The following BRINP3 variants were observed in gnomAD, a reference collection of about 807,000 sequenced individuals.
BRINP3 encodes BMP/retinoic acid inducible neural specific 3.
A neutral mutation model predicts 71.0 loss-of-function variants in BRINP3; 19 were observed. The ratio of observed to expected loss-of-function variants is 0.27; its 90% CI spans 0.19 to 0.39. The LOEUF (loss-of-function observed/expected upper bound fraction) is 0.39, where lower values mean the gene tolerates loss of function less well. BRINP3 is among the 10% of genes least tolerant of loss of function. The pLI is 1.00. For synonymous variants in BRINP3, 380 were observed against 337.7 expected, an observed-to-expected ratio of 1.13 and a Z score of -1.37; for missense variants, 959 against 940.8, an observed-to-expected ratio of 1.02 and a Z score of -0.25.
chr1:190,411,162 C>T (rs116179087), intron 2 of BRINP3, among the ~76,000 whole-genome samples: 1,827 of 152,014 alleles, frequency 0.012, 42 homozygotes, highest in African/African-American at 0.041. Context: ...ATTAATGAAC[C>T]CTTTCTATAT....
At chr1:190,272,559 T>C (rs886234948) in intron 3 of BRINP3, among the ~76,000 whole-genome samples, 2 of 151,542 alleles carry the variant, frequency 1.3e-5, no homozygotes, top group African/African-American at 4.8e-5. Flanking sequence ...TCTTTTCCTT[T>C]TTATTAAGAC....
At chr1:190,322,816 T>C (rs190450868) in intron 2 of BRINP3, among the ~76,000 whole-genome samples, 1 of 152,260 alleles carries the variant, frequency 6.6e-6, no homozygotes, top group Non-Finnish European at 1.5e-5. Flanking sequence ...CTGTATGATT[T>C]TTAACCAAAT....
At chr1:190,344,787 A>AT (rs1205863811) in intron 2 of BRINP3, among the ~76,000 whole-genome samples, 1 of 151,880 alleles carries the variant, frequency 6.6e-6, no homozygotes, top group African/African-American at 2.4e-5. Context: ...ACAGTATTAA[A>AT]TTATTGCTAG....
intron 2 of BRINP3, among the ~76,000 whole-genome samples, chr1:190,399,032 C>T (rs767264720): frequency 2.0e-5 from 3 of 151,902 alleles, no homozygotes; most frequent in Non-Finnish European, 4.4e-5. Flanking sequence ...GTGTTTGCTC[C>T]AGAGATTATG....
chr1:190,176,407 T>C (rs1038898979), intron 6 of BRINP3, among the ~76,000 whole-genome samples: 42 of 152,098 alleles, frequency 2.8e-4, no homozygotes, highest in African/African-American at 1.0e-3. Context: ...AGGAATAGAA[T>C]AACCACAACA....
intron 3 of BRINP3, among the ~76,000 whole-genome samples, chr1:190,274,403 C>T (rs1174309043): frequency 6.6e-5 from 10 of 151,548 alleles, no homozygotes; most frequent in African/African-American, 1.7e-4. Context: ...GATGTCTTCC[C>T]GGTCATTCAA....
chr1:190,098,474 C>T lies in BRINP3; in HGVS notation c.1845G>A (p.Gly615=), dbSNP rs756645736. 3.7e-6 allele frequency: 6 copies of T among 1,614,090 alleles called. No individual in the cohort carries two copies. In the African/African-American group the frequency reaches 4.0e-5, roughly 11 times the overall value. The change falls in exon 8 of 8, where the codon GGG becomes GGA. Residue 615 remains glycine, a synonymous_variant. Coordinates refer to ENST00000367462, the MANE Select transcript of BRINP3 (RefSeq NM_199051.3). ...TCTCAAAAAATGTCTTCCATTTGTT[C>T]CCCAGAGTTAATGTCCAGTTATAAC... ...LQCYNWTLTL[G]NKWKTFFETV... is the part of the protein sequence containing the mutation.
intron 2 of BRINP3, among the ~76,000 whole-genome samples, chr1:190,449,797 T>A (rs2102604483): frequency 6.6e-6 from 1 of 152,158 alleles, no homozygotes; most frequent in African/African-American, 2.4e-5. Context: ...TCTCTGACAA[T>A]CTGAACAAGA....
rs958018924 is a variant in BRINP3, at chr1:190,282,251, T to C, written c.237-501A>G. Among the ~76,000 whole-genome samples the C allele has an allele frequency of 2.0e-4, 31 of 151,682 alleles. No homozygotes were observed. In the South Asian group the frequency reaches 3.3e-3, roughly 16 times the overall value. On this transcript the variant is annotated intron_variant, in intron 2 of 7. Coordinates refer to ENST00000367462, the MANE Select transcript of BRINP3 (RefSeq NM_199051.3). Reference sequence around the variant, plus strand: ...CAAAAAAGAAATCAGTTTTCTTCTTTTTTTTTTTAATAATCATGGTTTACA... The same window carrying C: ...CAAAAAAGAAATCAGTTTTCTTCTTCTTTTTTTTAATAATCATGGTTTACA...
At chr1:190,423,631 G>C (rs1015234651) in intron 2 of BRINP3, among the ~76,000 whole-genome samples, 1 of 151,524 alleles carries the variant, frequency 6.6e-6, no homozygotes, top group Non-Finnish European at 1.5e-5. Flanking sequence ...GCATAATCAA[G>C]ACATTATAAA....
chr1:190,344,125 T>C (rs1667853071), intron 2 of BRINP3, among the ~76,000 whole-genome samples: 1 of 151,774 alleles, frequency 6.6e-6, no homozygotes, highest in Non-Finnish European at 1.5e-5. Flanking sequence ...TCAATTTCAG[T>C]AGAAAAAAAT....
chr1:190,389,191 T>C (rs1671093280), intron 2 of BRINP3, among the ~76,000 whole-genome samples: 1 of 151,704 alleles, frequency 6.6e-6, no homozygotes, highest in Non-Finnish European at 1.5e-5. Flanking sequence ...CATTATATTG[T>C]TTACCAGTTA....
intron 6 of BRINP3, among the ~76,000 whole-genome samples, chr1:190,182,987 A>G (rs1653160477): frequency 6.6e-6 from 1 of 152,206 alleles, no homozygotes; most frequent in South Asian, 2.1e-4. Context: ...TAAATTATCA[A>G]AATTGAGGGG....
At chr1:190,445,414 C>T (rs908349328) in intron 2 of BRINP3, among the ~76,000 whole-genome samples, 1 of 151,916 alleles carries the variant, frequency 6.6e-6, no homozygotes. Flanking sequence ...GTCAGCATTG[C>T]TATTTTATTT....
chr1:190,416,254 T>A (rs574711708), intron 2 of BRINP3, among the ~76,000 whole-genome samples: 2 of 152,342 alleles, frequency 1.3e-5, no homozygotes, highest in South Asian at 4.1e-4. Context: ...GACAGAATTC[T>A]TAGCTCTGCT....
intron 6 of BRINP3, among the ~76,000 whole-genome samples, chr1:190,184,908 T>C (rs1653375861): frequency 6.6e-6 from 1 of 152,126 alleles, no homozygotes; most frequent in Admixed American, 6.6e-5. Flanking sequence ...AAATTATTTT[T>C]TAAAAAGAAA....
At chr1:190,466,067 T>C (rs938580938) in intron 1 of BRINP3, among the ~76,000 whole-genome samples, 1 of 151,654 alleles carries the variant, frequency 6.6e-6, no homozygotes, top group Non-Finnish European at 1.5e-5. Context: ...CATGTAAGTG[T>C]CAATTTAAAG....
chr1:190,474,345 A>G (rs1571412766), intron 1 of BRINP3: 1 of 152,762 alleles, frequency 6.5e-6, no homozygotes, highest in East Asian at 1.9e-4. Context: ...GCAACACAGA[A>G]AAAACATCAC....
chr1:190,170,133 A>G (rs1479734741), intron 6 of BRINP3, among the ~76,000 whole-genome samples: 8 of 152,164 alleles, frequency 5.3e-5, no homozygotes, highest in African/African-American at 1.2e-4. Context: ...TAGACTTTTC[A>G]TAAATATTAT....
Sources: gnomAD v4.1 joint callset for allele counts (sites outside exome capture counted in the v4.1 genomes callset) on GRCh38, gnomAD v4.1.1 for gene constraint, MANE v1.5 for transcripts, NCBI Gene and HGNC (gene_info 2026-07-23, HGNC 2026-07-21) for gene names.